Variants in KIF13A observed in about 807,000 individuals in gnomAD.
The protein encoded by KIF13A is kinesin family member 13A, also known as kinesin-like protein KIF13A.
A neutral mutation model predicts 212.2 loss-of-function variants in KIF13A; 79 were observed. That is an observed-to-expected ratio of 0.37 (90% CI 0.31 to 0.45). The LOEUF is 0.45. Ranked by LOEUF, KIF13A falls within the 20% of genes least tolerant of loss-of-function variation. The pLI, the probability that KIF13A is intolerant of heterozygous loss-of-function variation, is 1.00. For missense variants in KIF13A, 1,901 were observed against 2,209.0 expected (o/e 0.86, Z 2.79); for synonymous variants, 789 against 808.6 (o/e 0.98, Z 0.41).
rs1204830365 is a variant in KIF13A, at chr6:17,971,890, AAAT to A, written c.146+15161_146+15163del. ...GGAGGGAAAAAAACCAAAACTAGTT[AAAT>A]AATAATCTAGCTAGAGAGCTTAAAA... On this transcript the variant is annotated intron_variant, in intron 2 of 38. Coordinates refer to ENST00000259711, the MANE Select transcript of KIF13A (RefSeq NM_022113.6). The surrounding 1 kb of genome is among the most constrained non-coding windows in gnomAD (Gnocchi z 4.2). 6.6e-6 allele frequency among the ~76,000 whole-genome samples: 1 copy of A among 152,204 alleles called. No individual in the cohort carries two copies. Among genetic ancestry groups the A allele is most frequent in the Non-Finnish European group, 1.5e-5 (1 of 68,028 alleles).
chr6:17,822,629 C>G (rs1257075100), intron 16 of KIF13A, among the ~76,000 whole-genome samples: 1 of 152,158 alleles, frequency 6.6e-6, no homozygotes, highest in East Asian at 1.9e-4. Context: ...GAGTTAGCGA[C>G]TAGAGATGTC....
At chr6:17,966,102 G>T (rs1265435528) in intron 2 of KIF13A, among the ~76,000 whole-genome samples, 1 of 152,212 alleles carries the variant, frequency 6.6e-6, no homozygotes, top group Non-Finnish European at 1.5e-5. Context: ...GTTGAGGCAT[G>T]AGAATTGCTT....
chr6:17,938,872 G>C (rs916546928), intron 2 of KIF13A, among the ~76,000 whole-genome samples: 1 of 149,948 alleles, frequency 6.7e-6, no homozygotes, highest in African/African-American at 2.5e-5. Context: ...TGTTATATAA[G>C]GAATGCACTA....
chr6:17,814,488 C>A (rs1407068981), intron 17 of KIF13A, among the ~76,000 whole-genome samples: 13 of 152,146 alleles, frequency 8.5e-5, no homozygotes, highest in Middle Eastern at 3.4e-3. Flanking sequence ...ACCTCATGAT[C>A]CACCCGCCTC....
At chr6:17,929,631 ACCT>A (rs2150533849) in intron 2 of KIF13A, among the ~76,000 whole-genome samples, 1 of 152,076 alleles carries the variant, frequency 6.6e-6, no homozygotes, top group Non-Finnish European at 1.5e-5. Context: ...CGACCTCCTG[ACCT>A]CATGATCTGC....
Position 17,789,758 on chromosome 6 carries a change from C to T in KIF13A, c.3261+114G>A. On this transcript the variant is annotated intron_variant, in intron 26 of 38. Transcript: ENST00000259711. The surrounding 1 kb of genome is among the most constrained non-coding windows in gnomAD (Gnocchi z 4.8). ...AAGCAAATCAAAAGCAAGTGAAAAA[C>T]TGCATATTCTCGCTCTAGGGCCCTC... The T allele has an allele frequency of 1.4e-6, 1 of 730,962 alleles. No homozygotes were observed. The highest frequency in any genetic ancestry group is 2.3e-6 in the Non-Finnish European group (1 of 436,734). The allele number at this position is 730,962 out of a possible 1,614,324, so 45.3% of individuals were successfully genotyped here. A position where few individuals can be genotyped will look rare whatever the true frequency, so the allele number is the denominator to read the frequency against.
chr6:17,808,924 T>G lies in KIF13A; in HGVS notation c.2007A>C (p.Glu669Asp), dbSNP rs780376924. ...GTTTTGCCAGGCTTTGTCGGAAGAG[T>G]TCATCCCTGCAGTGTCATAGAAAAG... Reference protein sequence around the residue: ...KVTQWAEERDELFRQSLAKLR... With the variant: ...KVTQWAEERDDLFRQSLAKLR... Residue 669 changes from glutamate (E) to aspartate (D), a missense_variant, in exon 18 of 39, where the codon GAA becomes GAC. By Grantham distance (45) the Glu-to-Asp change is conservative. Around this residue, in one of 5 missense-constraint regions of KIF13A, gnomAD observed 534 missense variants for 536.9 expected, o/e 0.99. Coordinates refer to ENST00000259711, the MANE Select transcript of KIF13A (RefSeq NM_022113.6). 1.2e-6 allele frequency: 2 copies of G among 1,611,092 alleles called. No homozygotes were observed. Among genetic ancestry groups the G allele is most frequent in the African/African-American group, 2.7e-5 (2 of 74,800 alleles).
At position 17,776,899 on chromosome 6, in the gene KIF13A, G is replaced by A. The variant is rs777100677; in HGVS notation, c.4170+378C>T. On this transcript the variant is annotated intron_variant, in intron 34 of 38. Transcript: ENST00000259711. The surrounding 1 kb of genome is among the most constrained non-coding windows in gnomAD (Gnocchi z 4.6). ...GTGGCTGACTCCTTATCACACTGAT[G>A]GTGGCAGACTCAGAGCCACCAGGGC... Among the ~76,000 whole-genome samples, 4 of 152,186 alleles carry A rather than the reference G, an allele frequency of 2.6e-5. No individual in the cohort carries two copies. The highest frequency in any genetic ancestry group is 6.5e-5 in the Admixed American group (1 of 15,274).
At chr6:17,819,073 C>T (rs1764205110) in intron 16 of KIF13A, among the ~76,000 whole-genome samples, 1 of 148,022 alleles carries the variant, frequency 6.8e-6, no homozygotes, top group African/African-American at 2.5e-5. Context: ...GATCTCGGCT[C>T]ACTGCAAGCT....
chr6:17,832,569 C>T (rs1305937295), intron 12 of KIF13A, among the ~76,000 whole-genome samples: 2 of 151,628 alleles, frequency 1.3e-5, no homozygotes, highest in African/African-American at 4.8e-5. Flanking sequence ...ACTGGGGAGG[C>T]GGAGGTTGCA....
At chr6:17,765,659 A>T (rs894148489) in intron 38 of KIF13A, among the ~76,000 whole-genome samples, 16 of 152,206 alleles carry the variant, frequency 1.1e-4, no homozygotes, top group African/African-American at 3.9e-4. Flanking sequence ...TTTGTAAAAC[A>T]GTTTTCAAGC....
rs1581729425 is a variant in KIF13A, at chr6:17,918,578, T to C, written c.147-20398A>G. On this transcript the variant is annotated intron_variant, in intron 2 of 38. Coordinates refer to ENST00000259711, the MANE Select transcript of KIF13A (RefSeq NM_022113.6). This position sits in a 1 kb window ranked among gnomAD's most constrained non-coding sequence, Gnocchi z 4.8. ...ATTCCCACTTCTGGGTCTCAGCAGG[T>C]ATGTGTGTCGAGTTATCTAAATGGA... 6.6e-6 allele frequency among the ~76,000 whole-genome samples: 1 copy of C among 152,122 alleles called. No homozygotes were observed. The highest frequency in any genetic ancestry group is 1.9e-4 in the East Asian group (1 of 5,180).
At chr6:17,820,051 G>A (rs1191140030) in intron 16 of KIF13A, among the ~76,000 whole-genome samples, 1 of 151,998 alleles carries the variant, frequency 6.6e-6, no homozygotes, top group Admixed American at 6.6e-5. Context: ...CATTTCCATT[G>A]TTAGTCAGTA....
intron 3 of KIF13A, among the ~76,000 whole-genome samples, chr6:17,894,574 C>T (rs1772389293): frequency 6.6e-6 from 1 of 152,012 alleles, no homozygotes; most frequent in Non-Finnish European, 1.5e-5. Flanking sequence ...TATATAGTCT[C>T]GCTTGTCCCC....
At chr6:17,936,594 G>A (rs1408376003) in intron 2 of KIF13A, among the ~76,000 whole-genome samples, 1 of 152,190 alleles carries the variant, frequency 6.6e-6, no homozygotes, top group Non-Finnish European at 1.5e-5. Flanking sequence ...TATGTGCCAG[G>A]CTGGTGCCAA....
At chr6:17,760,223 A>G (rs926760452), downstream of KIF13A, 1 of 150,650 alleles carries the variant, frequency 6.6e-6, no homozygotes, top group Non-Finnish European at 1.5e-5. Context: ...CTTTGGTTAT[A>G]AAGAACAGCA....
chr6:17,938,978 A>G (rs565157462), intron 2 of KIF13A, among the ~76,000 whole-genome samples: 1 of 152,326 alleles, frequency 6.6e-6, no homozygotes, highest in Non-Finnish European at 1.5e-5. Context: ...ATGATGGTAA[A>G]GAGATGAGTC....
At chr6:17,780,482 T>C (rs563184355) in intron 31 of KIF13A, among the ~76,000 whole-genome samples, 1 of 152,234 alleles carries the variant, frequency 6.6e-6, no homozygotes, top group Non-Finnish European at 1.5e-5. Context: ...CAGTGAAATA[T>C]CACAGCTCCA....
intron 3 of KIF13A, among the ~76,000 whole-genome samples, chr6:17,893,594 C>T (rs1305232270): frequency 1.3e-5 from 2 of 152,072 alleles, no homozygotes; most frequent in Non-Finnish European, 2.9e-5. Context: ...TGCTTAACTG[C>T]ACTGCCTAGG....
Sources: gnomAD v4.1 joint callset for allele counts (sites outside exome capture counted in the v4.1 genomes callset) on GRCh38, gnomAD v4.1.1 for gene constraint, gnomAD v4.1.1 regional missense constraint, Gnocchi (gnomAD v3.1) non-coding constraint, MANE v1.5 for transcripts, NCBI Gene and HGNC (gene_info 2026-07-23, HGNC 2026-07-21) for gene names.